Variants in OR1L8 observed in about 807,000 individuals in gnomAD.
OR1L8 encodes olfactory receptor 1L8.
For synonymous variants in OR1L8, 148 were observed against 147.0 expected, an observed-to-expected ratio of 1.01 and a Z score of -0.05; for missense variants, 330 against 377.4, an observed-to-expected ratio of 0.87 and a Z score of 1.04.
chr9:122,548,303 G>A, the OR1L8 span, among the ~76,000 whole-genome samples: 2 of 152,166 alleles, frequency 1.3e-5, no homozygotes, highest in African/African-American at 4.8e-5. Context: ...ATAAGGATTA[G>A]TCTAACAAGG....
chr9:122,549,894 A>G, the OR1L8 span, among the ~76,000 whole-genome samples: 5 of 152,232 alleles, frequency 3.3e-5, no homozygotes, highest in East Asian at 9.7e-4. Flanking sequence ...AATTCTATGA[A>G]AAATGGTGTT....
rs192776235 is a variant in OR1L8, at chr9:122,575,759, C to A, written c.-342+1007G>T. Among the ~76,000 whole-genome samples, 4 of 152,234 alleles carry A rather than the reference C, an allele frequency of 2.6e-5. No homozygotes were observed. The East Asian group carries it at 7.7e-4, about 29-fold the overall frequency. On this transcript the variant is annotated intron_variant, in intron 3 of 4. Transcript: ENST00000641027. ...TCTCACAGTTACTTTTTTGTGATAA[C>A]AGCAACTAAAATCTTATTTAACAAA...
Position 122,568,661 on chromosome 9 carries a change from T to G in OR1L8, c.-184A>C. On this transcript the variant is annotated 5_prime_UTR_variant, in exon 5 of 5. Transcript: ENST00000641027. ...ATGGGGTCCTCCCTTCCCAAATCTATGGGCTCCATAAGGGCATTATATTGA... is the reference window on the plus strand; with the variant it reads ...ATGGGGTCCTCCCTTCCCAAATCTAGGGGCTCCATAAGGGCATTATATTGA... The G allele has an allele frequency of 3.8e-6, 2 of 529,118 alleles. No homozygotes were observed. Among genetic ancestry groups the G allele is most frequent in the Non-Finnish European group, 6.6e-6 (2 of 302,770 alleles). The allele number at this position is 529,118 out of a possible 1,614,324, so 32.8% of individuals were successfully genotyped here.
intron 3 of OR1L8, among the ~76,000 whole-genome samples, chr9:122,574,666 C>A (rs183429470): frequency 6.6e-6 from 1 of 152,178 alleles, no homozygotes; most frequent in East Asian, 1.9e-4. Context: ...TCCTTCAAAT[C>A]TGTATATCTT....
chr9:122,573,616 A>G (rs1829590671), intron 3 of OR1L8, among the ~76,000 whole-genome samples: 1 of 152,152 alleles, frequency 6.6e-6, no homozygotes, highest in Non-Finnish European at 1.5e-5. Context: ...TTGAGTTTTA[A>G]GAGTTATTTG....
chr9:122,567,657 G>A lies in OR1L8; in HGVS notation c.821C>T (p.Ala274Val). 2 of 1,614,006 alleles carry A rather than the reference G, an allele frequency of 1.2e-6. No individual in the cohort carries two copies. Among genetic ancestry groups the A allele is most frequent in the South Asian group, 1.1e-5 (1 of 91,078 alleles). Reference sequence around the variant, plus strand: ...TGACAAAACTGTGTAAACAATTGTTGCCACGTGGTCCTTGACAGCGTAGGT... The same window carrying A: ...TGACAAAACTGTGTAAACAATTGTTACCACGTGGTCCTTGACAGCGTAGGT... ...PSTYAVKDHV[A>V]TIVYTVLSSM... Residue 274 changes from alanine (A) to valine (V), a missense_variant, in exon 5 of 5, where the codon GCA (alanine) becomes GTA (valine). Coordinates refer to ENST00000641027, the MANE Select transcript of OR1L8 (RefSeq NM_001004454.2).
At chr9:122,558,290 G>A in the OR1L8 span, among the ~76,000 whole-genome samples, 40,664 of 114,458 alleles carry the variant, frequency 0.36, 7,264 homozygotes, top group East Asian at 0.82. Context: ...GGGAAGCTTA[G>A]ATTATTTATT....
At chr9:122,575,801 CA>C (rs1017188368) in intron 3 of OR1L8, among the ~76,000 whole-genome samples, 4 of 152,100 alleles carry the variant, frequency 2.6e-5, no homozygotes, top group African/African-American at 9.7e-5. Flanking sequence ...TAATACAATT[CA>C]ATATTATTAA....
At chr9:122,547,961 T>G in the OR1L8 span, among the ~76,000 whole-genome samples, 1 of 152,176 alleles carries the variant, frequency 6.6e-6, no homozygotes, top group Admixed American at 6.6e-5. Flanking sequence ...TCTATTATTT[T>G]TTGACTTTTA....
chr9:122,566,878 GATA>G (rs1427717627), downstream of OR1L8, among the ~76,000 whole-genome samples: 1 of 152,124 alleles, frequency 6.6e-6, no homozygotes, highest in Non-Finnish European at 1.5e-5. Context: ...GTGTGAAATG[GATA>G]ATTTCCATGT....
chr9:122,570,003 A>G (rs1829513833), intron 4 of OR1L8, among the ~76,000 whole-genome samples: 1 of 148,090 alleles, frequency 6.8e-6, no homozygotes, highest in African/African-American at 2.5e-5. Flanking sequence ...TACAAAGGAC[A>G]TGAACTCATC....
the OR1L8 span, among the ~76,000 whole-genome samples, chr9:122,552,804 A>C: frequency 1.0e-5 from 1 of 97,944 alleles, no homozygotes; most frequent in Non-Finnish European, 2.1e-5. Context: ...GTGTTGGAGG[A>C]GGGGTAGGAG....
chr9:122,570,707 A>G (rs1402104442), intron 4 of OR1L8, among the ~76,000 whole-genome samples: 1 of 152,202 alleles, frequency 6.6e-6, no homozygotes, highest in Non-Finnish European at 1.5e-5. Context: ...ACATGCTTAA[A>G]ATATCATATC....
chr9:122,568,008 G>A lies in OR1L8; in HGVS notation c.470C>T (p.Ser157Leu), dbSNP rs1402769334. 1 of 1,613,956 alleles carries A rather than the reference G, an allele frequency of 6.2e-7. No homozygotes were observed. The highest frequency in any genetic ancestry group is 1.3e-5 in the African/African-American group (1 of 74,914). Residue 157 changes from serine to leucine, a missense_variant, in exon 5 of 5, where the codon TCA (serine) becomes TTA (leucine). Ser to Leu is a moderately radical substitution (Grantham distance 145). Transcript: ENST00000641027. ...AFSCSFPHLH[S>L]LLHTLLLNRL... Reference sequence around the variant, plus strand: ...ATTCAGCAGAAGTGTGTGCAGGAGTGAGTGGAGGTGAGGAAATGAGCAGGA... The same window carrying A: ...ATTCAGCAGAAGTGTGTGCAGGAGTAAGTGGAGGTGAGGAAATGAGCAGGA...
chr9:122,560,635 A>G, the OR1L8 span, among the ~76,000 whole-genome samples: 1 of 152,102 alleles, frequency 6.6e-6, no homozygotes, highest in Non-Finnish European at 1.5e-5. Context: ...TCTTCTCTTT[A>G]AGAATGTTGA....
chr9:122,576,441 G>A (rs991325629), intron 3 of OR1L8, among the ~76,000 whole-genome samples: 15 of 150,828 alleles, frequency 9.9e-5, no homozygotes, highest in Non-Finnish European at 2.1e-4. Flanking sequence ...CGCTACATTG[G>A]CCAGGCTTGT....
At chr9:122,553,426 C>G in the OR1L8 span, 1 of 1,614,052 alleles carries the variant, frequency 6.2e-7, no homozygotes, top group Non-Finnish European at 8.5e-7. Context: ...CTGTCATTAA[C>G]TGATGCCTGT....
the OR1L8 span, chr9:122,554,140 G>A: frequency 1.2e-6 from 2 of 1,611,428 alleles, no homozygotes; most frequent in Admixed American, 3.4e-5. Context: ...CTTTTTGTCA[G>A]TGGAAAAACA....
At chr9:122,553,794 A>G in the OR1L8 span, 2 of 1,613,974 alleles carry the variant, frequency 1.2e-6, no homozygotes, top group Non-Finnish European at 1.7e-6. Context: ...CTGCTCAGAT[A>G]CCCATGTAAA....
Sources: allele counts gnomAD v4.1 joint callset (sites outside exome capture counted in the v4.1 genomes callset), GRCh38; gene constraint gnomAD v4.1.1; transcripts MANE v1.5; gene names NCBI Gene and HGNC (gene_info 2026-07-23, HGNC 2026-07-21).